CEP43: variants seen among roughly 807,000 people sequenced by gnomAD.
CEP43 encodes FGFR1 oncogene partner.
A neutral mutation model predicts 52.6 loss-of-function variants in CEP43; 36 were observed. The observed-to-expected ratio is 0.68, with a 90% CI of 0.52 to 0.90. The LOEUF (loss-of-function observed/expected upper bound fraction) is 0.90, where lower values mean the gene tolerates loss of function less well. CEP43 is among the 40% of genes least tolerant of loss of function. The pLI is 0.00. For synonymous variants in CEP43, 192 were observed against 172.4 expected (o/e 1.11, Z -0.89); for missense variants, 506 against 472.8 (o/e 1.07, Z -0.65).
In CEP43 at chr6:167,052,497, A is replaced by G. The variant is rs371027909; in HGVS notation, c.*12519A>G. 4.6e-5 allele frequency: 7 copies of G among 152,146 alleles called. No homozygotes were observed. The highest frequency in any genetic ancestry group is 1.2e-4 in the African/African-American group (5 of 41,420). 9.4% of individuals were successfully genotyped at this position (152,146 alleles called of 1,614,324 possible). On this transcript the variant is annotated 3_prime_UTR_variant, in exon 13 of 13. Transcript: ENST00000366847. ...GAAATCCCCCTCTTCCCTGCATCTT[A>G]TTAGAACAGTGTATCCTGGAGGACA...
intron 10 of CEP43, among the ~76,000 whole-genome samples, chr6:167,032,306 G>A (rs188671828): frequency 1.0e-3 from 156 of 152,270 alleles, no homozygotes; most frequent in Middle Eastern, 6.8e-3. Context: ...ATTGCTATAC[G>A]CCATTAAGTC....
chr6:167,031,310 G>T (rs1356830670), intron 10 of CEP43, among the ~76,000 whole-genome samples: 3 of 151,842 alleles, frequency 2.0e-5, no homozygotes, highest in Non-Finnish European at 2.9e-5. Context: ...CCAGTAATTT[G>T]TACCTCTGCA....
At chr6:167,039,705 T>C (rs1261841188) in intron 12 of CEP43, among the ~76,000 whole-genome samples, 199 bp from the exon 13 acceptor site, 2 of 152,242 alleles carry the variant, frequency 1.3e-5, no homozygotes, top group Admixed American at 6.5e-5. Flanking sequence ...GTTGTACTAG[T>C]TTACATTCCC....
intron 10 of CEP43, among the ~76,000 whole-genome samples, chr6:167,030,045 G>T (rs1780434048): frequency 6.6e-6 from 1 of 152,200 alleles, no homozygotes. Flanking sequence ...ATCAGTTAAG[G>T]CTATTTTCAC....
Position 167,051,543 on chromosome 6 carries a change from C to A in CEP43, c.*11565C>A, listed in dbSNP as rs1309566045. ...ACAAAGGCAGTTTCAAAATCTGAAA[C>A]TTTTATTGTTAAATTATGTATTTAT... On this transcript the variant is annotated 3_prime_UTR_variant, in exon 13 of 13. Transcript: ENST00000366847. 2.0e-5 allele frequency: 3 copies of A among 152,124 alleles called. No individual in the cohort carries two copies. Among genetic ancestry groups the A allele is most frequent in the African/African-American group, 7.2e-5 (3 of 41,426 alleles). The allele number at this position is 152,124 out of a possible 1,614,324, so 9.4% of individuals were successfully genotyped here. A position where few individuals can be genotyped will look rare whatever the true frequency, so the allele number is the denominator to read the frequency against.
rs905665103 is a variant in CEP43 at position 167,052,522 on chromosome 6, A to T, written c.*12544A>T. On this transcript the variant is annotated 3_prime_UTR_variant, in exon 13 of 13. Coordinates refer to ENST00000366847, the MANE Select transcript of CEP43 (RefSeq NM_007045.4). ...ATTAGAACAGTGTATCCTGGAGGAC[A>T]TCCCTTGCCTTTCACCAAGTGACCC... 6.6e-6 allele frequency: 1 copy of T among 152,182 alleles called. No individual in the cohort carries two copies. The highest frequency in any genetic ancestry group is 2.4e-5 in the African/African-American group (1 of 41,438). The allele number at this position is 152,182 out of a possible 1,614,324, so 9.4% of individuals were successfully genotyped here.
chr6:167,003,786 C>T lies in CEP43; in HGVS notation c.275C>T (p.Ala92Val). 1.2e-6 allele frequency: 2 copies of T among 1,609,874 alleles called. No individual in the cohort carries two copies. The highest frequency in any genetic ancestry group is 1.7e-6 in the Non-Finnish European group (2 of 1,176,902). The change falls in exon 4 of 13, where the codon GCT becomes GTT. Residue 92 changes from alanine to valine, a missense_variant. Ala to Val is a moderately conservative substitution (Grantham distance 64, BLOSUM62 0). Coordinates refer to ENST00000366847, the MANE Select transcript of CEP43 (RefSeq NM_007045.4). ...LQFFNLDFTL[A>V]VFQPETSTLQ... ...TTTTTTAACCTTGACTTTACTTTGG[C>T]TGTTTTTCAACCTGAAACTAGCACA...
chr6:167,015,296 C>T (rs1462569257), intron 7 of CEP43, among the ~76,000 whole-genome samples: 1 of 152,194 alleles, frequency 6.6e-6, no homozygotes, highest in African/African-American at 2.4e-5. Context: ...TCTGAACTGC[C>T]TTGTGAGAAG....
chr6:166,999,850 G>A (rs1015918126), intron 1 of CEP43: 2 of 579,848 alleles, frequency 3.4e-6, no homozygotes, highest in East Asian at 3.0e-5. Context: ...TCAGGCTCGG[G>A]CATGATCCGC....
In CEP43 at chr6:167,003,173, A is replaced by AT; in HGVS notation, c.157-20_157-19insT. 8.5e-6 allele frequency: 10 copies of AT among 1,177,154 alleles called. No homozygotes were observed. The highest frequency in any genetic ancestry group is 2.4e-5 in the Admixed American group (1 of 41,888). The allele number at this position is 1,177,154 out of a possible 1,614,324, so 72.9% of individuals were successfully genotyped here. On this transcript the variant is annotated intron_variant, in intron 2 of 12. Coordinates refer to ENST00000366847, the MANE Select transcript of CEP43 (RefSeq NM_007045.4). Reference sequence around the variant, plus strand: ...TTTTAGGGTAAACACATGACACTTAAATTTTTTTTTTTTTAACAGAACAAA... The same window carrying AT: ...TTTTAGGGTAAACACATGACACTTAATATTTTTTTTTTTTTAACAGAACAAA...
chr6:167,008,843 T>C (rs1351500881), intron 5 of CEP43, among the ~76,000 whole-genome samples: 1 of 152,114 alleles, frequency 6.6e-6, no homozygotes, highest in Non-Finnish European at 1.5e-5. Context: ...GGAATACCCA[T>C]TTAGAAGATT....
At position 167,050,320 on chromosome 6, in the gene CEP43, G is replaced by A. The variant is rs1045380426; in HGVS notation, c.*10342G>A. ...CCTCCCCAGCCATGCTGAACTGTGAGTCAATTAAACCTCTTTCCTTTATAA... is the reference window on the plus strand; with the variant it reads ...CCTCCCCAGCCATGCTGAACTGTGAATCAATTAAACCTCTTTCCTTTATAA... On this transcript the variant is annotated 3_prime_UTR_variant, in exon 13 of 13. Transcript: ENST00000366847. The A allele has an allele frequency of 1.6e-4, 25 of 152,448 alleles. No individual in the cohort carries two copies. The highest frequency in any genetic ancestry group is 6.0e-4 in the African/African-American group (25 of 41,586). The allele number at this position is 152,448 out of a possible 1,614,324, so 9.4% of individuals were successfully genotyped here.
intron 1 of CEP43, 30 bp downstream of exon 1, chr6:166,999,544 C>T (rs1779675651): frequency 3.7e-6 from 5 of 1,366,342 alleles, no homozygotes; most frequent in Non-Finnish European, 3.8e-6. Flanking sequence ...CCGGGCCTGG[C>T]GGATCCGCAG....
Position 167,047,627 on chromosome 6 carries a change from CG to C in CEP43, c.*7651del, listed in dbSNP as rs1780816041. 1 of 152,130 alleles carries C rather than the reference CG, an allele frequency of 6.6e-6. No homozygotes were observed. The highest frequency in any genetic ancestry group is 1.5e-5 in the Non-Finnish European group (1 of 68,030). 9.4% of individuals were successfully genotyped at this position (152,130 alleles called of 1,614,324 possible). On this transcript the variant is annotated 3_prime_UTR_variant, in exon 13 of 13. Coordinates refer to ENST00000366847, the MANE Select transcript of CEP43 (RefSeq NM_007045.4). ...AGTAAGGAGAAGAGAGAATACTTCT[CG>C]GATGATTGTTCAGTTTCTGATGAAT...
chr6:167,041,435 G>C lies in CEP43; in HGVS notation c.*1457G>C. ...CCTCCGTCTGTGAGCTGCTATCTCAGTCTCCTTCAGCTCTTCATGTCTTAG... is the reference window on the plus strand; with the variant it reads ...CCTCCGTCTGTGAGCTGCTATCTCACTCTCCTTCAGCTCTTCATGTCTTAG... On this transcript the variant is annotated 3_prime_UTR_variant, in exon 13 of 13. Transcript: ENST00000366847. The C allele has an allele frequency of 9.4e-7, 1 of 1,060,272 alleles. No homozygotes were observed. The highest frequency in any genetic ancestry group is 4.6e-5 in the South Asian group (1 of 21,942). The allele number at this position is 1,060,272 out of a possible 1,614,324, so 65.7% of individuals were successfully genotyped here.
chr6:167,028,523 GGTT>G (rs1780400671), intron 10 of CEP43: 1 of 983,998 alleles, frequency 1.0e-6, no homozygotes, highest in African/African-American at 1.7e-5. Flanking sequence ...TTTCTGTTTG[GGTT>G]GTTTACATTT....
chr6:167,016,990 A>ATTTTTTTTTT (rs60484474), intron 7 of CEP43, among the ~76,000 whole-genome samples: 1 of 148,664 alleles, frequency 6.7e-6, no homozygotes, highest in Non-Finnish European at 1.5e-5. Context: ...TTATTTATTT[A>ATTTTTTTTTT]TTTTTTTTTT....
At position 167,046,193 on chromosome 6, in the gene CEP43, T is replaced by C. The variant is rs1780793733; in HGVS notation, c.*6215T>C. ...ATGGCAGATCATATCTGAGCGTGAA[T>C]TACATTCTCCAATATTTTTATTTGT... On this transcript the variant is annotated 3_prime_UTR_variant, in exon 13 of 13. Transcript: ENST00000366847. The C allele has an allele frequency of 7.6e-6, 1 of 132,242 alleles. No individual in the cohort carries two copies. The highest frequency in any genetic ancestry group is 2.8e-5 in the African/African-American group (1 of 36,274). The allele number at this position is 132,242 out of a possible 1,614,324, so 8.2% of individuals were successfully genotyped here.
chr6:167,032,066 G>C (rs565947559), intron 10 of CEP43, among the ~76,000 whole-genome samples: 1 of 152,342 alleles, frequency 6.6e-6, no homozygotes, highest in African/African-American at 2.4e-5. Context: ...CGTCAGAGCA[G>C]AGGACATGGC....
Sources: allele counts gnomAD v4.1 joint callset (sites outside exome capture counted in the v4.1 genomes callset), GRCh38; gene constraint gnomAD v4.1.1; transcripts MANE v1.5; gene names NCBI Gene and HGNC (gene_info 2026-07-23, HGNC 2026-07-21).